Variants in PSMD5 observed in about 807,000 individuals in gnomAD.
PSMD5 encodes the protein 26S proteasome non-ATPase regulatory subunit 5.
PSMD5 carries 40 observed loss-of-function variants against 52.1 expected under a neutral mutation model. The ratio of observed to expected loss-of-function variants is 0.77; its 90% CI spans 0.60 to 1.00. The LOEUF (loss-of-function observed/expected upper bound fraction) is 1.00. Ranked by LOEUF, PSMD5 falls within the 50% of genes least tolerant of loss-of-function variation. The probability of loss-of-function intolerance (pLI) is 0.00; values close to 1 mark genes in which losing one functional copy is unlikely to be tolerated. For synonymous variants in PSMD5, 211 were observed against 226.6 expected, an observed-to-expected ratio of 0.93 and a Z score of 0.62; for missense variants, 575 against 605.2, an observed-to-expected ratio of 0.95 and a Z score of 0.52.
Position 120,816,877 on chromosome 9 carries a change from C to G in PSMD5, c.*1029G>C, listed in dbSNP as rs905252318. The G allele has an allele frequency of 6.6e-6, 1 of 152,136 alleles. No homozygotes were observed. Among genetic ancestry groups the G allele is most frequent in the African/African-American group, 2.4e-5 (1 of 41,422 alleles). The allele number at this position is 152,136 out of a possible 1,614,324, so 9.4% of individuals were successfully genotyped here. The stretch of plus-strand genomic sequence containing the variant: ...TAAGTTTCCCTTTCTCTGATCAACT[C>G]AAGATTGACTTTATAGGTATGAAAA... On this transcript the variant is annotated 3_prime_UTR_variant, in exon 10 of 10. Coordinates refer to ENST00000210313, the MANE Select transcript of PSMD5 (RefSeq NM_005047.4).
chr9:120,832,490 G>A (rs2045168726), intron 2 of PSMD5, among the ~76,000 whole-genome samples: 1 of 148,072 alleles, frequency 6.8e-6, no homozygotes, highest in African/African-American at 2.5e-5. Context: ...TCTGCCTCCT[G>A]GGTTCAAACG....
intron 1 of PSMD5, among the ~76,000 whole-genome samples, chr9:120,834,331 A>G (rs1451003400): frequency 6.6e-6 from 1 of 152,190 alleles, no homozygotes; most frequent in African/African-American, 2.4e-5. Context: ...ATACAGAAAA[A>G]AAAGGCAACT....
chr9:120,822,116 G>GT lies in PSMD5; in HGVS notation c.1007-653dup, dbSNP rs572568972. On this transcript the variant is annotated intron_variant, in intron 7 of 9. Coordinates refer to ENST00000210313, the MANE Select transcript of PSMD5 (RefSeq NM_005047.4). ...CATCCTAACACTTATTATTTTATGG[G>GT]TTTTTTTTTAAAGTAATAGCCATCC... Among the ~76,000 whole-genome samples the GT allele has an allele frequency of 2.5e-3, 386 of 151,494 alleles. 2 individuals carry two copies. The highest frequency in any genetic ancestry group is 8.2e-3 in the African/African-American group (338 of 41,310).
At chr9:120,833,229 T>C in intron 2 of PSMD5, 83 bp downstream of exon 2, 1 of 1,435,582 alleles carries the variant, frequency 7.0e-7, no homozygotes, top group Admixed American at 1.8e-5. Flanking sequence ...AGAGAAATAC[T>C]GTGCTTTCTT....
chr9:120,818,299 G>T, intron 9 of PSMD5, 136 bp from the exon 10 acceptor site: 2 of 852,488 alleles, frequency 2.3e-6, no homozygotes, highest in Non-Finnish European at 1.7e-6. Context: ...ATTCCTTCCT[G>T]AGAATCTAAC....
intron 7 of PSMD5, among the ~76,000 whole-genome samples, chr9:120,822,155 G>A (rs1025983487): frequency 7.9e-5 from 12 of 152,074 alleles, no homozygotes; most frequent in African/African-American, 2.9e-4. Flanking sequence ...TGGATATGAA[G>A]TGAAAAATGA....
In PSMD5 at chr9:120,816,521, A is replaced by T. The variant is rs2131416112; in HGVS notation, c.*1385T>A. The stretch of plus-strand genomic sequence containing the variant: ...AACAGTAGGGGACTAGTCAGCATGG[A>T]AACACACACAAAAAACAGAGTCACG... On this transcript the variant is annotated 3_prime_UTR_variant, in exon 10 of 10. Transcript: ENST00000210313. 1 of 152,360 alleles carries T rather than the reference A, an allele frequency of 6.6e-6. No individual in the cohort carries two copies. 9.4% of individuals were successfully genotyped at this position (152,360 alleles called of 1,614,324 possible). A position where few individuals can be genotyped will look rare whatever the true frequency, so the allele number is the denominator to read the frequency against.
intron 7 of PSMD5, among the ~76,000 whole-genome samples, chr9:120,823,264 A>G (rs1485344015): frequency 6.8e-6 from 1 of 146,614 alleles, no homozygotes; most frequent in Non-Finnish European, 1.5e-5. Flanking sequence ...GCTGGAGTGC[A>G]GTGGTGTGAT....
At chr9:120,832,301 T>C (rs2045166704) in intron 2 of PSMD5, among the ~76,000 whole-genome samples, 1 of 152,062 alleles carries the variant, frequency 6.6e-6, no homozygotes, top group Non-Finnish European at 1.5e-5. Context: ...GTTACGAAGA[T>C]TAAATGAGAC....
chr9:120,820,988 A>C lies in PSMD5; in HGVS notation c.1117-9T>G. On this transcript the variant is annotated splice_polypyrimidine_tract_variant and intron_variant, in intron 8 of 9. Transcript: ENST00000210313. ...TCAGTCTGCTGCTCAGGCTACAGGA[A>C]AGAAAAGGAAAATCTCATCAAAAGT... The C allele has an allele frequency of 6.4e-7, 1 of 1,571,088 alleles. No individual in the cohort carries two copies. Among genetic ancestry groups the C allele is most frequent in the Non-Finnish European group, 8.6e-7 (1 of 1,167,562 alleles).
chr9:120,832,029 A>T, intron 2 of PSMD5, 84 bp from the exon 3 acceptor site: 1 of 1,524,520 alleles, frequency 6.6e-7, no homozygotes, highest in South Asian at 1.3e-5. Context: ...CTTAGTGCAC[A>T]GTTATTTTAG....
rs2045159249 is a variant in PSMD5 at position 120,831,435 on chromosome 9, A to T, written c.457T>A (p.Ser153Thr). The T allele has an allele frequency of 6.2e-7, 1 of 1,609,922 alleles. No homozygotes were observed. The change falls in exon 4 of 10, where the codon TCA becomes ACA. Residue 153 changes from serine to threonine, a missense_variant. By Grantham distance (58) the Ser-to-Thr change is moderately conservative. Coordinates refer to ENST00000210313, the MANE Select transcript of PSMD5 (RefSeq NM_005047.4). ...GCCTCCAGTCCAGCTTGGGTTAGTG[A>T]TATTCTTGACAGGGATTTGATAGCC... ...KAAIKSLSRI[S>T]LTQAGLEALF...
chr9:120,820,617 C>T (rs2045076798), intron 9 of PSMD5, among the ~76,000 whole-genome samples: 2 of 152,180 alleles, frequency 1.3e-5, no homozygotes, highest in Admixed American at 1.3e-4. Context: ...ACTGTGTGAT[C>T]CCATAGCATC....
At chr9:120,825,639 CTTAAAT>C (rs1302729624) in intron 6 of PSMD5, among the ~76,000 whole-genome samples, 2 of 152,002 alleles carry the variant, frequency 1.3e-5, no homozygotes, top group African/African-American at 2.4e-5. Flanking sequence ...CTTTCACCTC[CTTAAAT>C]TTATTCATAA....
chr9:120,834,385 T>C (rs2045184644), intron 1 of PSMD5, among the ~76,000 whole-genome samples: 2 of 152,082 alleles, frequency 1.3e-5, no homozygotes, highest in African/African-American at 2.4e-5. Flanking sequence ...CTAGAAACTA[T>C]AGGAGCTTAA....
At chr9:120,842,418 C>T (rs1171721689) in intron 1 of PSMD5, 1 of 392,546 alleles carries the variant, frequency 2.5e-6, no homozygotes, top group Non-Finnish European at 4.6e-6. Context: ...AGAACCTGTA[C>T]AAAGAGATGT....
intron 2 of PSMD5, among the ~76,000 whole-genome samples, chr9:120,832,560 C>T (rs926834806): frequency 3.9e-5 from 6 of 152,160 alleles, no homozygotes; most frequent in African/African-American, 1.4e-4. Flanking sequence ...TCATGCCCAG[C>T]TAATTTCTGT....
chr9:120,842,876 CCTCT>C lies in PSMD5; in HGVS notation c.30_33del (p.Glu11Ter). ...TCCAGCGGCGCTTCCAGCCTCGCTA[CCTCT>C]CTCAGCAGCGCCAAAGCCTGGGCTG... is the stretch of plus-strand genomic sequence containing the variant. On this transcript the variant is annotated frameshift_variant, in exon 1 of 10. Transcript: ENST00000210313. LOFTEE classifies it high-confidence loss of function. 6.2e-7 allele frequency: 1 copy of C among 1,600,050 alleles called. No homozygotes were observed. Among genetic ancestry groups the C allele is most frequent in the African/African-American group, 1.3e-5 (1 of 74,880 alleles).
chr9:120,840,470 G>A (rs2045227110), intron 1 of PSMD5, among the ~76,000 whole-genome samples: 1 of 150,610 alleles, frequency 6.6e-6, no homozygotes, highest in Non-Finnish European at 1.5e-5. Flanking sequence ...ATCTTGAGAT[G>A]GAGTCTCACT....
Sources: gnomAD v4.1 joint callset for allele counts (sites outside exome capture counted in the v4.1 genomes callset) on GRCh38, gnomAD v4.1.1 for gene constraint, MANE v1.5 for transcripts, NCBI Gene and HGNC (gene_info 2026-07-23, HGNC 2026-07-21) for gene names.